Variants in AVEN observed in about 807,000 individuals in gnomAD.
AVEN encodes cell death regulator Aven.
AVEN carries 41 observed loss-of-function variants against 38.1 expected under a neutral mutation model. That is an observed-to-expected ratio of 1.08 (90% CI 0.84 to 1.40). The LOEUF (loss-of-function observed/expected upper bound fraction) is 1.40. Among genes scored for constraint, AVEN ranks in the 40% most tolerant of loss-of-function variants. AVEN has a pLI of 0.00. For missense variants in AVEN, 605 were observed against 438.8 expected, an observed-to-expected ratio of 1.38 and a Z score of -3.38; for synonymous variants, 206 against 171.8, an observed-to-expected ratio of 1.20 and a Z score of -1.56.
intron 2 of AVEN, among the ~76,000 whole-genome samples, chr15:33,890,442 G>A (rs1217591773): frequency 6.6e-6 from 1 of 152,118 alleles, no homozygotes; most frequent in African/African-American, 2.4e-5. Context: ...AGAATACAAG[G>A]CTAAACAAAA....
At chr15:33,859,688 C>T in intron 11 of AVEN, 1 of 1,613,186 alleles carries the variant, frequency 6.2e-7, no homozygotes, top group African/African-American at 1.3e-5. Context: ...TTGACATTAC[C>T]TTTTTCTTCT....
At chr15:34,035,115 T>C (rs1346103650) in intron 1 of AVEN, among the ~76,000 whole-genome samples, 3 of 152,162 alleles carry the variant, frequency 2.0e-5, no homozygotes, top group Non-Finnish European at 4.4e-5. Context: ...GAAATGAAAA[T>C]GTCAACGCCA....
intron 2 of AVEN, among the ~76,000 whole-genome samples, chr15:33,964,309 A>G (rs76683340): frequency 0.015 from 2,213 of 152,280 alleles, 53 homozygotes; most frequent in African/African-American, 0.05. Context: ...GCAGTTCAGT[A>G]TAAGGTCAAA....
chr15:34,036,966 G>A lies in AVEN; in HGVS notation c.267+1814C>T, dbSNP rs545173993. Among the ~76,000 whole-genome samples the A allele has an allele frequency of 8.4e-4, 128 of 151,994 alleles. 1 individual carries two copies. In the Middle Eastern group the frequency reaches 0.024, roughly 28 times the overall value. Reference sequence around the variant, plus strand: ...CTCTATTAAAAATACAAAATTAGCCGGGCAAGGTGGCTCATGCCTGTAATC... The same window carrying A: ...CTCTATTAAAAATACAAAATTAGCCAGGCAAGGTGGCTCATGCCTGTAATC... On this transcript the variant is annotated intron_variant, in intron 1 of 5. Coordinates refer to ENST00000306730, the MANE Select transcript of AVEN (RefSeq NM_020371.3).
intron 4 of AVEN, chr15:34,064,268 A>G (rs140639541): frequency 4.8e-5 from 77 of 1,613,966 alleles, no homozygotes; most frequent in Non-Finnish European, 6.4e-5. Context: ...GGAAAAAGAA[A>G]AAAGTGGAAG....
chr15:34,048,121 T>C (rs957823336), intron 5 of AVEN, among the ~76,000 whole-genome samples: 8 of 152,070 alleles, frequency 5.3e-5, no homozygotes, highest in African/African-American at 1.7e-4. Flanking sequence ...AGCAATCCAC[T>C]TGCCTCGGCT....
downstream of AVEN, chr15:33,865,584 A>G (rs186058432): frequency 5.6e-5 from 11 of 196,910 alleles, no homozygotes; most frequent in East Asian, 1.4e-3. Flanking sequence ...ATACCTGAAA[A>G]TTTAAACACT....
intron 2 of AVEN, among the ~76,000 whole-genome samples, chr15:33,937,429 A>G (rs2153052676): frequency 6.6e-6 from 1 of 151,618 alleles, no homozygotes; most frequent in South Asian, 2.1e-4. Flanking sequence ...GCTACTCGGG[A>G]GGCTGAGGCA....
chr15:34,049,275 T>G (rs901107273), intron 5 of AVEN, among the ~76,000 whole-genome samples: 8 of 152,150 alleles, frequency 5.3e-5, no homozygotes, highest in Admixed American at 3.3e-4. Context: ...AAGGACCATG[T>G]TGTAACCCAA....
chr15:33,944,308 C>T (rs1894427449), intron 2 of AVEN, among the ~76,000 whole-genome samples: 1 of 152,174 alleles, frequency 6.6e-6, no homozygotes, highest in Non-Finnish European at 1.5e-5. Context: ...TGTCCCTGAG[C>T]AGATCAGAGA....
chr15:33,924,404 G>A (rs577318589), intron 2 of AVEN, among the ~76,000 whole-genome samples: 6 of 151,794 alleles, frequency 4.0e-5, no homozygotes, highest in Non-Finnish European at 5.9e-5. Context: ...TTCCTGGCAC[G>A]ACGCAGTCTT....
At chr15:34,059,198 C>T (rs1900257973) in intron 5 of AVEN, among the ~76,000 whole-genome samples, 1 of 152,082 alleles carries the variant, frequency 6.6e-6, no homozygotes, top group African/African-American at 2.4e-5. Context: ...CACCTGGCCT[C>T]CTTATTTTTT....
At chr15:33,872,586 G>C (rs1414329389) in intron 3 of AVEN, among the ~76,000 whole-genome samples, 1 of 152,018 alleles carries the variant, frequency 6.6e-6, no homozygotes, top group Non-Finnish European at 1.5e-5. Context: ...TTAAAAGCCA[G>C]GCCCTCAGGA....
chr15:33,855,022 T>C (rs2079498450), downstream of AVEN: 2 of 1,158,942 alleles, frequency 1.7e-6, no homozygotes, highest in Non-Finnish European at 2.3e-6. Context: ...TGGTATATAA[T>C]GTACTTTTCT....
chr15:33,894,447 A>G (rs1892123024), intron 2 of AVEN, among the ~76,000 whole-genome samples: 1 of 151,376 alleles, frequency 6.6e-6, no homozygotes, highest in Non-Finnish European at 1.5e-5. Flanking sequence ...AGCTAATACT[A>G]AAAATGTAAC....
chr15:33,930,933 C>T (rs1893817164), intron 2 of AVEN, among the ~76,000 whole-genome samples: 5 of 135,030 alleles, frequency 3.7e-5, no homozygotes, highest in African/African-American at 8.6e-5. Context: ...TCAGCCTGGG[C>T]GACACAGTGA....
At chr15:34,052,245 A>C (rs1899948939) in intron 5 of AVEN, among the ~76,000 whole-genome samples, 1 of 152,220 alleles carries the variant, frequency 6.6e-6, no homozygotes, top group Non-Finnish European at 1.5e-5. Flanking sequence ...AAAGAAAAAA[A>C]ACCACATGAT....
intron 1 of AVEN, among the ~76,000 whole-genome samples, chr15:34,003,730 G>A (rs534984031): frequency 6.6e-6 from 1 of 152,260 alleles, no homozygotes; most frequent in South Asian, 2.1e-4. Context: ...ACAATGACTT[G>A]TGAAATGGAG....
chr15:33,978,451 G>A (rs1243234452), intron 2 of AVEN, among the ~76,000 whole-genome samples: 2 of 152,120 alleles, frequency 1.3e-5, no homozygotes, highest in African/African-American at 4.8e-5. Flanking sequence ...ATCACCTGAG[G>A]TCAGGAGTTC....
Sources: allele counts gnomAD v4.1 joint callset (sites outside exome capture counted in the v4.1 genomes callset), GRCh38; gene constraint gnomAD v4.1.1; transcripts MANE v1.5; gene names NCBI Gene and HGNC (gene_info 2026-07-23, HGNC 2026-07-21).